The following RPIA variants were observed in gnomAD, a reference collection of about 807,000 sequenced individuals.
RPIA encodes ribose 5-phosphate isomerase A.
RPIA carries 29 observed loss-of-function variants against 37.8 expected under a neutral mutation model. That is an observed-to-expected ratio of 0.77 (90% CI 0.57 to 1.05). RPIA has a LOEUF of 1.05. RPIA is among the 50% of genes least tolerant of loss of function. The pLI, the probability that RPIA is intolerant of heterozygous loss-of-function variation, is 0.00. For synonymous variants in RPIA, 167 were observed against 157.0 expected (o/e 1.06, Z -0.48); for missense variants, 385 against 413.6 (o/e 0.93, Z 0.60).
intron 6 of RPIA, 59 bp downstream of exon 6, chr2:88,735,796 A>G: frequency 1.3e-6 from 2 of 1,526,232 alleles, no homozygotes; most frequent in Non-Finnish European, 1.8e-6. Flanking sequence ...CCCAAGCCGC[A>G]TCCCCATTTT....
chr2:88,742,937 C>CT (rs1573479691), intron 8 of RPIA, among the ~76,000 whole-genome samples: 1 of 152,030 alleles, frequency 6.6e-6, no homozygotes, highest in East Asian at 1.9e-4. Context: ...GATCTAAGAG[C>CT]TTTTTGGATG....
intron 3 of RPIA, among the ~76,000 whole-genome samples, chr2:88,708,543 A>T (rs1192328729): frequency 6.6e-6 from 1 of 152,176 alleles, no homozygotes; most frequent in Non-Finnish European, 1.5e-5. Context: ...TTGGGGAAAG[A>T]AGTTTAGTTA....
At chr2:88,715,032 T>C (rs1240487880) in intron 3 of RPIA, among the ~76,000 whole-genome samples, 4 of 152,242 alleles carry the variant, frequency 2.6e-5, no homozygotes, top group Admixed American at 1.3e-4. Flanking sequence ...TTACTCCTAC[T>C]GTAACCACAC....
rs189793081 is a variant in RPIA, at chr2:88,717,241, C to T, written c.403-12037C>T. ...TGAACCCCCAAAATGTGAGATAGGT[C>T]CCAGGTAATTTAGAAAGTTTATATT... is the stretch of plus-strand genomic sequence containing the variant. On this transcript the variant is annotated intron_variant, in intron 3 of 8. Coordinates refer to ENST00000283646, the MANE Select transcript of RPIA (RefSeq NM_144563.3). Among the ~76,000 whole-genome samples, 8 of 152,166 alleles carry T rather than the reference C, an allele frequency of 5.3e-5. No individual in the cohort carries two copies. The East Asian group carries it at 9.6e-4, about 18-fold the overall frequency.
At chr2:88,703,298 G>A (rs1672856244) in intron 3 of RPIA, among the ~76,000 whole-genome samples, 2 of 152,164 alleles carry the variant, frequency 1.3e-5, no homozygotes, top group Non-Finnish European at 2.9e-5. Flanking sequence ...CTCTGTGCAG[G>A]GGCTCCAACC....
chr2:88,700,542 T>C (rs1234579654), intron 3 of RPIA, among the ~76,000 whole-genome samples: 2 of 151,996 alleles, frequency 1.3e-5, no homozygotes, highest in African/African-American at 4.8e-5. Context: ...GTTCCAACTA[T>C]GTAGGAGGCT....
rs1672879401 is a variant in RPIA, at chr2:88,704,910, T to TC, written c.402+4848dup. ...ATCAATGTGCAAAAATCACAAGCATTCCTATACACCAACAATAGACAAGCA... is the reference window on the plus strand; with the variant it reads ...ATCAATGTGCAAAAATCACAAGCATTCCCTATACACCAACAATAGACAAGCA... On this transcript the variant is annotated intron_variant, in intron 3 of 8. Coordinates refer to ENST00000283646, the MANE Select transcript of RPIA (RefSeq NM_144563.3). 2.6e-5 allele frequency among the ~76,000 whole-genome samples: 4 copies of TC among 152,032 alleles called. No individual in the cohort carries two copies. In the South Asian group the frequency reaches 8.3e-4, roughly 32 times the overall value.
intron 1 of RPIA, among the ~76,000 whole-genome samples, chr2:88,694,696 C>G (rs1676990517): frequency 6.6e-6 from 1 of 152,120 alleles, no homozygotes; most frequent in African/African-American, 2.4e-5. Context: ...TTGCTCCTTT[C>G]TCTCCCCAAT....
At position 88,696,873 on chromosome 2, in the gene RPIA, C is replaced by G. The variant is rs540017394; in HGVS notation, c.286-1611C>G. ...TACCCATGAGGGTGGAGCCCTCTGA[C>G]CTAATCACCTCTTAAAGGTCCCACT... On this transcript the variant is annotated intron_variant, in intron 1 of 8. Transcript: ENST00000283646. Among the ~76,000 whole-genome samples, 7 of 152,276 alleles carry G rather than the reference C, an allele frequency of 4.6e-5. No individual in the cohort carries two copies. The South Asian group carries it at 1.0e-3, about 23-fold the overall frequency.
chr2:88,718,824 G>T (rs1280276307), intron 3 of RPIA, among the ~76,000 whole-genome samples: 1 of 152,060 alleles, frequency 6.6e-6, no homozygotes, highest in Non-Finnish European at 1.5e-5. Flanking sequence ...AAACAAATAT[G>T]CCCCAAATTT....
At chr2:88,725,356 A>C (rs546463448) in intron 3 of RPIA, among the ~76,000 whole-genome samples, 42 of 152,028 alleles carry the variant, frequency 2.8e-4, no homozygotes, top group African/African-American at 9.9e-4. Flanking sequence ...AAAAAAAAAA[A>C]CAGAAATGTG....
At chr2:88,715,689 G>A (rs2104101173) in intron 3 of RPIA, among the ~76,000 whole-genome samples, 1 of 152,258 alleles carries the variant, frequency 6.6e-6, no homozygotes, top group Non-Finnish European at 1.5e-5. Flanking sequence ...GACGTTCTGT[G>A]GTATTTTAGT....
chr2:88,726,139 G>GC (rs1416724913), intron 3 of RPIA, among the ~76,000 whole-genome samples: 1 of 152,016 alleles, frequency 6.6e-6, no homozygotes, highest in African/African-American at 2.4e-5. Flanking sequence ...ATCACAGTGG[G>GC]CCCCCCAGCT....
chr2:88,726,616 A>G (rs1326418445), intron 3 of RPIA, among the ~76,000 whole-genome samples: 1 of 152,238 alleles, frequency 6.6e-6, no homozygotes, highest in Non-Finnish European at 1.5e-5. Flanking sequence ...CATGTATGCA[A>G]TATTTTATAA....
chr2:88,721,974 A>C (rs1318252274), intron 3 of RPIA, among the ~76,000 whole-genome samples: 1 of 149,118 alleles, frequency 6.7e-6, no homozygotes, highest in Non-Finnish European at 1.5e-5. Context: ...TGATCTATAA[A>C]AGTTTTTTTT....
chr2:88,738,468 C>T (rs1026104069), intron 8 of RPIA, among the ~76,000 whole-genome samples: 3 of 152,150 alleles, frequency 2.0e-5, no homozygotes, highest in Admixed American at 2.0e-4. Context: ...TCAGTTAATC[C>T]ACATTCATTG....
At chr2:88,693,453 A>T (rs150227394) in intron 1 of RPIA, among the ~76,000 whole-genome samples, 1 of 152,160 alleles carries the variant, frequency 6.6e-6, no homozygotes. Context: ...CTTAAAGGCC[A>T]TTTCCTCCTT....
At chr2:88,718,966 T>TTCTATTAGTCTGAAG (rs1465109507) in intron 3 of RPIA, among the ~76,000 whole-genome samples, 1 of 152,200 alleles carries the variant, frequency 6.6e-6, no homozygotes, top group Admixed American at 6.5e-5. Context: ...TACTTCAGAC[T>TTCTATTAGTCTGAAG]TCTATTAGTT....
intron 1 of RPIA, among the ~76,000 whole-genome samples, chr2:88,693,975 CT>C (rs1351528213): frequency 6.6e-6 from 1 of 152,182 alleles, no homozygotes; most frequent in Admixed American, 6.5e-5. Flanking sequence ...GGAGCCTGGG[CT>C]TTGTTTTTTT....
Sources: allele counts gnomAD v4.1 joint callset (sites outside exome capture counted in the v4.1 genomes callset), GRCh38; gene constraint gnomAD v4.1.1; transcripts MANE v1.5; gene names NCBI Gene and HGNC (gene_info 2026-07-23, HGNC 2026-07-21).